Variants in ZAN observed in about 807,000 individuals in gnomAD.
The protein encoded by ZAN is zonadhesin (gene/pseudogene).
ZAN carries 260 observed loss-of-function variants against 286.2 expected under a neutral mutation model. The ratio of observed to expected loss-of-function variants is 0.91; its 90% CI spans 0.82 to 1.01. The LOEUF (loss-of-function observed/expected upper bound fraction) is 1.01, where lower values mean the gene tolerates loss of function less well. ZAN is among the 50% of genes least tolerant of loss of function. ZAN has a pLI of 0.00. For missense variants in ZAN, 3,410 were observed against 3,639.2 expected (o/e 0.94, Z 1.62); for synonymous variants, 1,368 against 1,417.5 (o/e 0.97, Z 0.79).
chr7:100,794,078 G>A (rs749782388), intron 43 of ZAN, 42 bp from the exon 44 acceptor site: 1 of 1,613,664 alleles, frequency 6.2e-7, no homozygotes, highest in Non-Finnish European at 8.5e-7. Flanking sequence ...CCAGACCAGG[G>A]ATGGAACTGG....
chr7:100,785,202 C>T (rs1355368869), intron 36 of ZAN, among the ~76,000 whole-genome samples: 1 of 148,770 alleles, frequency 6.7e-6, no homozygotes, highest in African/African-American at 2.5e-5. Context: ...ATATGTAAGT[C>T]ACCAAGCACA....
intron 7 of ZAN, among the ~76,000 whole-genome samples, chr7:100,743,955 CA>C (rs1230482925): frequency 6.7e-6 from 1 of 149,744 alleles, no homozygotes. Context: ...GGCCTCAAGC[CA>C]TCTTCCTGCT....
intron 45 of ZAN, 65 bp downstream of exon 45, chr7:100,795,401 T>C: frequency 7.0e-7 from 1 of 1,418,540 alleles, no homozygotes; most frequent in Non-Finnish European, 9.3e-7. Flanking sequence ...CACAGAATGA[T>C]TCTATATGTA....
Position 100,763,660 on chromosome 7 carries a change from T to G in ZAN, c.3987-146T>G, listed in dbSNP as rs1405999579. The G allele has an allele frequency of 1.3e-6, 1 of 763,912 alleles. No individual in the cohort carries two copies. Among genetic ancestry groups the G allele is most frequent in the African/African-American group, 1.7e-5 (1 of 58,358 alleles). 47.3% of individuals were successfully genotyped at this position (763,912 alleles called of 1,614,324 possible). A position where few individuals can be genotyped will look rare whatever the true frequency, so the allele number is the denominator to read the frequency against. On this transcript the variant is annotated intron_variant, in intron 20 of 47. Coordinates refer to ENST00000613979, the MANE Select transcript of ZAN (RefSeq NM_003386.3). This position sits in a 1 kb window ranked among gnomAD's most constrained non-coding sequence, Gnocchi z 4.6. ...GCCTCCCACAGTGCCTGGCCAGGGC[T>G]CAGTGGTCAAACATCCTCTGGGAGG...
At chr7:100,778,033 G>T (rs979082039) in intron 34 of ZAN, among the ~76,000 whole-genome samples, 1 of 152,100 alleles carries the variant, frequency 6.6e-6, no homozygotes, top group African/African-American at 2.4e-5. Context: ...AGGAGCAGAG[G>T]CTCATGCCTG....
rs1325666749 is a variant in ZAN at position 100,775,595 on chromosome 7, C to T, written c.6027+20C>T. ...GTGCTAGTGAGCTGGGTGTGGTGACCGGGGCTGGGAGGGAGTGCTGGGGAG... is the reference window on the plus strand; with the variant it reads ...GTGCTAGTGAGCTGGGTGTGGTGACTGGGGCTGGGAGGGAGTGCTGGGGAG... On this transcript the variant is annotated intron_variant, in intron 32 of 47. Coordinates refer to ENST00000613979, the MANE Select transcript of ZAN (RefSeq NM_003386.3). 1.2e-6 allele frequency: 2 copies of T among 1,611,746 alleles called. No individual in the cohort carries two copies. The highest frequency in any genetic ancestry group is 1.7e-6 in the Non-Finnish European group (2 of 1,178,278).
At position 100,787,956 on chromosome 7, in the gene ZAN, G is replaced by C. The variant is rs59541653; in HGVS notation, c.7047G>C (p.Leu2349Phe). 26,540 of 498,306 alleles carry C rather than the reference G, an allele frequency of 0.053. 2,611 individuals carry two copies. The highest frequency in any genetic ancestry group is 0.32 in the African/African-American group (18,274 of 57,964). 30.9% of individuals were successfully genotyped at this position (498,306 alleles called of 1,614,324 possible). A position where few individuals can be genotyped will look rare whatever the true frequency, so the allele number is the denominator to read the frequency against. Residue 2349 changes from leucine (L) to phenylalanine (F), a missense_variant, in exon 38 of 48, where the codon TTG (leucine) becomes TTC (phenylalanine). By Grantham distance (22) the Leu-to-Phe change is conservative. Around this residue, in one of 7 missense-constraint regions of ZAN, gnomAD observed 1,289 missense variants for 1,314.3 expected, o/e 0.98. Coordinates refer to ENST00000613979, the MANE Select transcript of ZAN (RefSeq NM_003386.3). Reference protein sequence around the residue: ...YLTFDGFSYRLQGRMTYVLIK... With the variant: ...YLTFDGFSYRFQGRMTYVLIK... ...CATTTGACGGCTTCAGCTACCGCTT[G>C]CAAGGCCGCATGACCTATGTTCTGA...
rs561108367 is a variant in ZAN, at chr7:100,745,581, G to A, written c.767-957G>A. Among the ~76,000 whole-genome samples the A allele has an allele frequency of 3.6e-4, 53 of 146,528 alleles. 1 individual carries two copies. The highest frequency in any genetic ancestry group is 6.9e-4 in the Non-Finnish European group (45 of 65,548). ...AGTTTGCGTGAATAGGTTATGTCCA[G>A]CGGGTAAAGAAAAGGAAGAGGCAAT... On this transcript the variant is annotated intron_variant, in intron 7 of 47. Coordinates refer to ENST00000613979, the MANE Select transcript of ZAN (RefSeq NM_003386.3).
At chr7:100,795,476 A>C in intron 45 of ZAN, 140 bp downstream of exon 45, 1 of 878,128 alleles carries the variant, frequency 1.1e-6, no homozygotes, top group Non-Finnish European at 1.5e-6. Flanking sequence ...TATTATAAAC[A>C]TAACAATTTG....
chr7:100,753,533 C>T (rs187067945), intron 14 of ZAN, among the ~76,000 whole-genome samples: 2 of 152,114 alleles, frequency 1.3e-5, no homozygotes. Flanking sequence ...TTAAAGTGTA[C>T]AATTCTAGGC....
chr7:100,788,466 C>G (rs1026999825), intron 38 of ZAN, among the ~76,000 whole-genome samples: 1 of 152,062 alleles, frequency 6.6e-6, no homozygotes, highest in Non-Finnish European at 1.5e-5. Flanking sequence ...GCTGGAGGAT[C>G]ACTTGAGCCC....
intron 7 of ZAN, 68 bp from the exon 8 acceptor site, chr7:100,746,470 G>T: frequency 6.4e-7 from 1 of 1,572,996 alleles, no homozygotes; most frequent in South Asian, 1.2e-5. Flanking sequence ...GCCTCCTCAG[G>T]GCCCTATCTC....
chr7:100,784,858 C>G (rs1330305347), intron 36 of ZAN, 24 bp downstream of exon 36: 1 of 1,558,784 alleles, frequency 6.4e-7, no homozygotes, highest in Admixed American at 1.9e-5. Context: ...GGAAATGGGA[C>G]TGGAGGCAAC....
At chr7:100,749,487 A>C (rs187398294) in intron 11 of ZAN, among the ~76,000 whole-genome samples, 3,002 of 150,870 alleles carry the variant, frequency 0.02, 98 homozygotes, top group African/African-American at 0.069. Context: ...AAAAACACAA[A>C]AAATTAGCCA....
At chr7:100,775,599 G>A in intron 32 of ZAN, 24 bp downstream of exon 32, 1 of 1,611,872 alleles carries the variant, frequency 6.2e-7, no homozygotes, top group Middle Eastern at 1.7e-4. Context: ...GGTGACCGGG[G>A]CTGGGAGGGA....
At chr7:100,745,146 A>G (rs1808102075) in intron 7 of ZAN, among the ~76,000 whole-genome samples, 1 of 151,638 alleles carries the variant, frequency 6.6e-6, no homozygotes, top group Admixed American at 6.6e-5. Flanking sequence ...GGTCTCCCAA[A>G]GTGCTGGGAT....
In ZAN at chr7:100,784,762, T is replaced by C. The variant is rs1390558622; in HGVS notation, c.6762T>C (p.Tyr2254=). ...CAEGCICQPG[Y]VLSEDKCVPR... ...AGGGCTGCATTTGTCAGCCCGGCTA[T>C]GTGCTGAGTGAAGACAAGTGTGTCC... is the stretch of plus-strand genomic sequence containing the variant. Residue 2254 remains tyrosine, a synonymous_variant, in exon 36 of 48, where the codon TAT becomes TAC. Transcript: ENST00000613979. 2 of 1,613,906 alleles carry C rather than the reference T, an allele frequency of 1.2e-6. No homozygotes were observed. The highest frequency in any genetic ancestry group is 2.2e-5 in the East Asian group (1 of 44,880).
At chr7:100,759,641 GGCGCC>G in intron 17 of ZAN, 75 bp from the exon 18 acceptor site, 1 of 1,348,762 alleles carries the variant, frequency 7.4e-7, no homozygotes, top group Non-Finnish European at 9.6e-7. Context: ...CTCTCCCTGC[GGCGCC>G]AGGCTCAGGG....
At chr7:100,782,956 G>A (rs73411135) in intron 35 of ZAN, among the ~76,000 whole-genome samples, 5,002 of 152,188 alleles carry the variant, frequency 0.033, 205 homozygotes, top group South Asian at 0.12. Flanking sequence ...ACACAAAGTC[G>A]TAATCACTGA....
Sources: gnomAD v4.1 joint callset for allele counts (sites outside exome capture counted in the v4.1 genomes callset) on GRCh38, gnomAD v4.1.1 for gene constraint, gnomAD v4.1.1 regional missense constraint, Gnocchi (gnomAD v3.1) non-coding constraint, MANE v1.5 for transcripts, NCBI Gene and HGNC (gene_info 2026-07-23, HGNC 2026-07-21) for gene names.